COA8: variants seen among roughly 807,000 people sequenced by gnomAD.
The protein encoded by COA8 is UPF0671 protein C14orf153.
A neutral mutation model predicts 22.0 loss-of-function variants in COA8; 20 were observed. The observed-to-expected ratio is 0.91, with a 90% confidence interval of 0.64 to 1.32. The LOEUF (loss-of-function observed/expected upper bound fraction) is 1.32, where lower values mean the gene tolerates loss of function less well. Among genes scored for constraint, COA8 ranks in the 40% most tolerant of loss-of-function variants. COA8 has a pLI of 0.00. For synonymous variants in COA8, 105 were observed against 79.9 expected (o/e 1.31, Z -1.68); for missense variants, 266 against 230.0 (o/e 1.16, Z -1.01).
At chr14:103,569,017 A>T (rs1183058890) in intron 1 of COA8, among the ~76,000 whole-genome samples, 2 of 152,144 alleles carry the variant, frequency 1.3e-5, no homozygotes, top group Non-Finnish European at 2.9e-5. Flanking sequence ...AGGAATGCAC[A>T]TGTGCCTCTC....
At chr14:103,569,897 C>T (rs1038581708) in intron 1 of COA8, among the ~76,000 whole-genome samples, 3 of 152,168 alleles carry the variant, frequency 2.0e-5, no homozygotes, top group African/African-American at 7.2e-5. Flanking sequence ...CGCTCTGTCG[C>T]CCAGGCTGGA....
At chr14:103,583,466 C>T (rs933545597) in intron 3 of COA8, among the ~76,000 whole-genome samples, 5 of 143,658 alleles carry the variant, frequency 3.5e-5, no homozygotes, top group Non-Finnish European at 6.0e-5. Flanking sequence ...TGCTGGAACC[C>T]GGGAGGTGGA....
rs749585187 is a variant in COA8, at chr14:103,590,848, ACT to A, written c.*565_*566del. 3 of 152,056 alleles carry A rather than the reference ACT, an allele frequency of 2.0e-5. No individual in the cohort carries two copies. The highest frequency in any genetic ancestry group is 2.9e-5 in the Non-Finnish European group (2 of 68,046). 9.4% of individuals were successfully genotyped at this position (152,056 alleles called of 1,614,324 possible). A position where few individuals can be genotyped will look rare whatever the true frequency, so the allele number is the denominator to read the frequency against. Reference sequence around the variant, plus strand: ...ACTCCAGCCTGGAAGACCAAACGAGACTCTGTATCAAAAAATAATAATAATTA... The same window carrying A: ...ACTCCAGCCTGGAAGACCAAACGAGACTGTATCAAAAAATAATAATAATTA... On this transcript the variant is annotated 3_prime_UTR_variant, in exon 5 of 5. Transcript: ENST00000409074.
intron 3 of COA8, among the ~76,000 whole-genome samples, chr14:103,580,303 T>G (rs1030882634): frequency 3.3e-5 from 5 of 151,754 alleles, no homozygotes; most frequent in African/African-American, 1.2e-4. Context: ...ATTACAACAT[T>G]ATATTTTATT....
chr14:103,567,689 AAATCATCTTTAGACAAATTGTCT>A (rs1314883454), intron 1 of COA8: 3 of 152,342 alleles, frequency 2.0e-5, no homozygotes, highest in South Asian at 2.1e-4. Flanking sequence ...CCCAGCCCAC[AAATCATCTTTAGACAAATTGTCT>A]AATCATCTTT....
intron 1 of COA8, among the ~76,000 whole-genome samples, chr14:103,568,518 T>C (rs531690774): frequency 6.3e-4 from 95 of 151,062 alleles, no homozygotes; most frequent in African/African-American, 2.0e-3. Flanking sequence ...TACATATATA[T>C]ACACACACAT....
At chr14:103,567,820 C>A (rs566597983) in intron 1 of COA8, among the ~76,000 whole-genome samples, 1 of 152,148 alleles carries the variant, frequency 6.6e-6, no homozygotes, top group Non-Finnish European at 1.5e-5. Flanking sequence ...CGTATGTATA[C>A]AGCAGGGGTG....
chr14:103,564,690 G>A (rs1318933365), intron 1 of COA8, among the ~76,000 whole-genome samples: 3 of 142,322 alleles, frequency 2.1e-5, no homozygotes, highest in South Asian at 4.4e-4. Context: ...AGCGATTCTC[G>A]TGCCTCAGCC....
At position 103,563,011 on chromosome 14, in the gene COA8, T is replaced by C. The variant is rs2076096999; in HGVS notation, c.10T>C (p.Leu4=). The C allele has an allele frequency of 1.9e-6, 3 of 1,558,428 alleles. No homozygotes were observed. Among genetic ancestry groups the C allele is most frequent in the Admixed American group, 1.8e-5 (1 of 54,866 alleles). Residue 4 remains leucine (L), a synonymous_variant, in exon 1 of 5, where the codon TTG becomes CTG. Coordinates refer to ENST00000409074, the MANE Select transcript of COA8 (RefSeq NM_001370595.2). MVV[L]RAGKKTFLPP... ...CAGGGGGCGTGGGGCCATGGTGGTC[T>C]TGCGGGCGGGGAAGAAGACCTTTCT...
chr14:103,585,216 C>T (rs1229630997), intron 3 of COA8, among the ~76,000 whole-genome samples: 2 of 151,896 alleles, frequency 1.3e-5, no homozygotes, highest in Non-Finnish European at 2.9e-5. Context: ...CGGTGGCTCA[C>T]GCCTGTAATA....
chr14:103,586,801 T>TCAGGTGATCCACCTGCCTCGGCCTCC (rs1469356159), intron 3 of COA8, among the ~76,000 whole-genome samples: 2 of 152,000 alleles, frequency 1.3e-5, no homozygotes, highest in East Asian at 3.9e-4. Context: ...ACTCCTGACC[T>TCAGGTGATCCACCTGCCTCGGCCTCC]CAGGTGATCC....
At chr14:103,582,015 C>T (rs578019352) in intron 3 of COA8, among the ~76,000 whole-genome samples, 110 of 152,324 alleles carry the variant, frequency 7.2e-4, no homozygotes, top group African/African-American at 2.5e-3. Context: ...GGGTGGTATG[C>T]GCTCTGCTGA....
chr14:103,566,871 T>A (rs1436579661), intron 1 of COA8, among the ~76,000 whole-genome samples: 3 of 152,238 alleles, frequency 2.0e-5, no homozygotes, highest in African/African-American at 4.8e-5. Context: ...ACCTAACTTC[T>A]GAGAGGAGGA....
intron 3 of COA8, among the ~76,000 whole-genome samples, chr14:103,584,956 G>T (rs1434197481): frequency 6.6e-6 from 1 of 151,442 alleles, no homozygotes; most frequent in Non-Finnish European, 1.5e-5. Context: ...TGACCGATGT[G>T]GTGAAACCCC....
chr14:103,589,787 G>C (rs572621678), intron 4 of COA8, among the ~76,000 whole-genome samples: 2 of 151,510 alleles, frequency 1.3e-5, no homozygotes, highest in Non-Finnish European at 2.9e-5. Flanking sequence ...GGTGGCGGGC[G>C]CCTGTAGTCC....
chr14:103,567,332 C>T (rs2076143037), intron 1 of COA8: 1 of 147,240 alleles, frequency 6.8e-6, no homozygotes, highest in Non-Finnish European at 1.5e-5. Context: ...AAGATCGCGC[C>T]ACTGCACTCC....
rs1284986037 is a variant in COA8, at chr14:103,577,799, C to T, written c.385+3629C>T. On this transcript the variant is annotated intron_variant, in intron 3 of 4. Transcript: ENST00000409074. The stretch of plus-strand genomic sequence containing the variant: ...CAGCACTTTGGGAGGCTGAGGCAGG[C>T]GGATCACCTGAGGTCAGGAGTTTGA... Among the ~76,000 whole-genome samples the T allele has an allele frequency of 7.3e-5, 11 of 151,664 alleles. No homozygotes were observed. The South Asian group carries it at 2.3e-3, about 32-fold the overall frequency.
At chr14:103,585,577 C>CTTTTTT (rs143878801) in intron 3 of COA8, among the ~76,000 whole-genome samples, 3 of 128,568 alleles carry the variant, frequency 2.3e-5, no homozygotes, top group African/African-American at 5.6e-5. Context: ...GGTTTTTTCT[C>CTTTTTT]TTTTTTTTTT....
intron 4 of COA8, 28 bp downstream of exon 4, chr14:103,587,392 T>C: frequency 6.7e-7 from 1 of 1,498,072 alleles, no homozygotes; most frequent in Non-Finnish European, 9.2e-7. Flanking sequence ...TCCTGAAAAT[T>C]TGAATAGCAC....
Sources: gnomAD v4.1 joint callset for allele counts (sites outside exome capture counted in the v4.1 genomes callset) on GRCh38, gnomAD v4.1.1 for gene constraint, MANE v1.5 for transcripts, NCBI Gene and HGNC (gene_info 2026-07-23, HGNC 2026-07-21) for gene names.